BCAS4: variants seen among roughly 807,000 people sequenced by gnomAD.
BCAS4 encodes the protein breast carcinoma amplified sequence 4.
In BCAS4, 9 loss-of-function variants were observed where a neutral mutation model predicts 15.7. The ratio of observed to expected loss-of-function variants is 0.57; its 90% confidence interval spans 0.34 to 1.00. BCAS4 has a LOEUF of 1.00. Among genes scored for constraint, BCAS4 ranks in the 50% least tolerant of loss-of-function variants. The probability of loss-of-function intolerance (pLI) is 0.02; values close to 1 mark genes in which losing one functional copy is unlikely to be tolerated. For synonymous variants in BCAS4, 101 were observed against 99.5 expected (o/e 1.02, Z -0.09); for missense variants, 225 against 239.1 (o/e 0.94, Z 0.39).
chr20:50,820,321 G>A (rs918772733), intron 2 of BCAS4, among the ~76,000 whole-genome samples: 5 of 152,230 alleles, frequency 3.3e-5, no homozygotes, highest in African/African-American at 1.2e-4. Flanking sequence ...GGTGTGAAGG[G>A]ATTCCAGAGC....
At chr20:50,799,621 G>A (rs1425916828) in intron 1 of BCAS4, among the ~76,000 whole-genome samples, 1 of 152,188 alleles carries the variant, frequency 6.6e-6, no homozygotes, top group Non-Finnish European at 1.5e-5. Flanking sequence ...CGGCCTTAGG[G>A]GGCCTGGGCC....
At chr20:50,854,454 G>A (rs950635234) in intron 4 of BCAS4, among the ~76,000 whole-genome samples, 5 of 152,160 alleles carry the variant, frequency 3.3e-5, no homozygotes, top group Non-Finnish European at 5.9e-5. Context: ...GACGCTCTGC[G>A]CTGACCTCAT....
chr20:50,824,719 G>A (rs1222138558), intron 2 of BCAS4, among the ~76,000 whole-genome samples: 1 of 152,156 alleles, frequency 6.6e-6, no homozygotes, highest in Admixed American at 6.5e-5. Context: ...GAGTGATGGG[G>A]ACTGGGGTTA....
chr20:50,842,409 A>T (rs1436101342), intron 4 of BCAS4, among the ~76,000 whole-genome samples: 1 of 152,028 alleles, frequency 6.6e-6, no homozygotes, highest in African/African-American at 2.4e-5. Context: ...GGAAGGAAGG[A>T]TCATGTGTCC....
chr20:50,858,099 C>T (rs567411837), intron 4 of BCAS4, among the ~76,000 whole-genome samples: 11 of 152,310 alleles, frequency 7.2e-5, no homozygotes, highest in Non-Finnish European at 2.9e-5. Context: ...CAAACCTCCA[C>T]CCCATCTTCA....
At chr20:50,810,967 G>A (rs1283619748) in intron 1 of BCAS4, among the ~76,000 whole-genome samples, 1 of 152,176 alleles carries the variant, frequency 6.6e-6, no homozygotes, top group Non-Finnish European at 1.5e-5. Context: ...CGGGAGTAGG[G>A]GAGCTATAGG....
intron 1 of BCAS4, among the ~76,000 whole-genome samples, chr20:50,795,415 C>T (rs1175716928): frequency 1.3e-5 from 2 of 152,148 alleles, no homozygotes; most frequent in African/African-American, 4.8e-5. Context: ...CCACCCGGGT[C>T]CCCCAGCATC....
chr20:50,811,172 G>A (rs1028448909), intron 1 of BCAS4, among the ~76,000 whole-genome samples: 2 of 152,020 alleles, frequency 1.3e-5, no homozygotes, highest in African/African-American at 4.8e-5. Flanking sequence ...CCCCCATTAG[G>A]TGTTTTCTGA....
chr20:50,830,426 G>C (rs777396029), intron 3 of BCAS4, 46 bp downstream of exon 3: 1 of 1,523,808 alleles, frequency 6.6e-7, no homozygotes, highest in South Asian at 1.2e-5. Context: ...ACTTGATCTT[G>C]CTTTTGCCTT....
chr20:50,864,438 G>GTTTT (rs1568684273), intron 4 of BCAS4, among the ~76,000 whole-genome samples: 3 of 138,532 alleles, frequency 2.2e-5, no homozygotes, highest in African/African-American at 8.4e-5. Flanking sequence ...GATCATGATT[G>GTTTT]ATTTTTTTTT....
chr20:50,803,379 TG>T (rs1264628425), intron 1 of BCAS4, among the ~76,000 whole-genome samples: 1 of 152,190 alleles, frequency 6.6e-6, no homozygotes, highest in Non-Finnish European at 1.5e-5. Flanking sequence ...TGCCGTTTTC[TG>T]TAAATAAAAA....
At chr20:50,816,012 G>A (rs1474127992) in intron 1 of BCAS4, among the ~76,000 whole-genome samples, 1 of 151,774 alleles carries the variant, frequency 6.6e-6, no homozygotes, top group Non-Finnish European at 1.5e-5. Flanking sequence ...ACTTGAGGGG[G>A]AAAAAAAACC....
At chr20:50,870,823 T>C (rs573731025) in intron 4 of BCAS4, among the ~76,000 whole-genome samples, 7 of 151,982 alleles carry the variant, frequency 4.6e-5, no homozygotes, top group African/African-American at 1.7e-4. Context: ...GCTGCGGGGG[T>C]GTGGGGAGAC....
At chr20:50,870,200 T>C (rs1395413364) in intron 4 of BCAS4, among the ~76,000 whole-genome samples, 1 of 152,228 alleles carries the variant, frequency 6.6e-6, no homozygotes, top group African/African-American at 2.4e-5. Flanking sequence ...TATCTAGCTC[T>C]TTACAGAAAA....
In BCAS4 at chr20:50,842,799, C is replaced by T. The variant is rs2088501479; in HGVS notation, c.399+899C>T. On this transcript the variant is annotated intron_variant, in intron 4 of 4. Coordinates refer to ENST00000371608, the MANE Select transcript of BCAS4 (RefSeq NM_198799.4). The stretch of plus-strand genomic sequence containing the variant: ...CTTGTCTGAGGCCACGGGCCTGGAG[C>T]GCCTGTTTCTGGTGACTTGCCCCCT... Among the ~76,000 whole-genome samples, 2 of 152,168 alleles carry T rather than the reference C, an allele frequency of 1.3e-5. 1 individual carries two copies. Among genetic ancestry groups the T allele is most frequent in the South Asian group, 4.1e-4 (2 of 4,824 alleles).
At chr20:50,849,032 G>A (rs1257774031) in intron 4 of BCAS4, among the ~76,000 whole-genome samples, 2 of 152,244 alleles carry the variant, frequency 1.3e-5, no homozygotes, top group South Asian at 2.1e-4. Flanking sequence ...TGCGGGCTGC[G>A]GACCTCGGAA....
At chr20:50,845,279 G>A (rs191771975) in intron 4 of BCAS4, among the ~76,000 whole-genome samples, 13 of 152,216 alleles carry the variant, frequency 8.5e-5, no homozygotes, top group Admixed American at 3.9e-4. Context: ...CCTGACCGCC[G>A]GACCTGCTCT....
chr20:50,801,510 C>G (rs2087926193), intron 1 of BCAS4, among the ~76,000 whole-genome samples: 1 of 152,110 alleles, frequency 6.6e-6, no homozygotes. Flanking sequence ...ATATTTATTC[C>G]TTAAATTTTG....
chr20:50,866,121 C>T (rs1024369890), intron 4 of BCAS4, among the ~76,000 whole-genome samples: 2 of 152,168 alleles, frequency 1.3e-5, no homozygotes, highest in African/African-American at 4.8e-5. Flanking sequence ...CCTGTTCTCT[C>T]CAAGCCCGCT....
Sources: gnomAD v4.1 joint callset for allele counts (sites outside exome capture counted in the v4.1 genomes callset) on GRCh38, gnomAD v4.1.1 for gene constraint, MANE v1.5 for transcripts, NCBI Gene and HGNC (gene_info 2026-07-23, HGNC 2026-07-21) for gene names.